The following DDR2 variants were observed in gnomAD, a reference collection of about 807,000 sequenced individuals.
DDR2 encodes the protein discoidin domain-containing receptor 2.
In DDR2, 27 loss-of-function variants were observed where a neutral mutation model predicts 94.9. The observed-to-expected ratio is 0.28, with a 90% confidence interval of 0.21 to 0.39. The LOEUF (loss-of-function observed/expected upper bound fraction) is 0.39. Ranked by LOEUF, DDR2 falls within the 10% of genes least tolerant of loss-of-function variation. The pLI is 1.00. For missense variants in DDR2, 783 were observed against 1,076.0 expected (o/e 0.73, Z 3.81); for synonymous variants, 382 against 377.2 (o/e 1.01, Z -0.15).
intron 1 of DDR2, among the ~76,000 whole-genome samples, chr1:162,649,233 A>C (rs1657560778): frequency 1.3e-5 from 2 of 152,304 alleles, no homozygotes; most frequent in South Asian, 4.1e-4. Flanking sequence ...TTAATATGGT[A>C]ATCAACATTT....
chr1:162,693,423 G>A (rs548908233), intron 2 of DDR2, among the ~76,000 whole-genome samples: 5 of 152,078 alleles, frequency 3.3e-5, no homozygotes, highest in Admixed American at 1.3e-4. Context: ...TTCTTTTGAC[G>A]TTTTCTATCT....
At chr1:162,732,269 T>C (rs1488174890) in intron 3 of DDR2, among the ~76,000 whole-genome samples, 2 of 152,210 alleles carry the variant, frequency 1.3e-5, no homozygotes, top group East Asian at 3.9e-4. Flanking sequence ...TTGGCCCCCC[T>C]GTGGAATCCC....
chr1:162,639,654 G>A (rs1240642969), intron 1 of DDR2, among the ~76,000 whole-genome samples: 1 of 152,180 alleles, frequency 6.6e-6, no homozygotes, highest in African/African-American at 2.4e-5. Context: ...CATTAAAATT[G>A]TAAACTTCCA....
intron 2 of DDR2, among the ~76,000 whole-genome samples, chr1:162,678,448 C>G (rs1258112691): frequency 6.6e-6 from 1 of 152,230 alleles, no homozygotes; most frequent in Non-Finnish European, 1.5e-5. Context: ...GTGTCTATCT[C>G]TTTCAAATAC....
intron 3 of DDR2, among the ~76,000 whole-genome samples, chr1:162,748,642 G>T (rs1232719536): frequency 2.6e-5 from 4 of 152,168 alleles, no homozygotes; most frequent in Admixed American, 6.5e-5. Context: ...ACTCAGCTCT[G>T]CACCAAGTGG....
chr1:162,664,168 A>C (rs1361062930), intron 2 of DDR2, among the ~76,000 whole-genome samples: 1 of 152,132 alleles, frequency 6.6e-6, no homozygotes, highest in Admixed American at 6.6e-5. Context: ...TTTTATGAAG[A>C]CTTTTTTTGC....
At chr1:162,742,474 CG>C (rs1482729128) in intron 3 of DDR2, among the ~76,000 whole-genome samples, 1 of 152,100 alleles carries the variant, frequency 6.6e-6, no homozygotes, top group East Asian at 1.9e-4. Flanking sequence ...AGTGGGGTGG[CG>C]GGGAAGGGAC....
intron 14 of DDR2, among the ~76,000 whole-genome samples, chr1:162,775,337 G>A (rs1262015214): frequency 6.6e-6 from 1 of 151,810 alleles, no homozygotes; most frequent in East Asian, 1.9e-4. Context: ...GTGGTTTTTA[G>A]CAGCCTATTT....
chr1:162,742,890 A>G lies in DDR2; in HGVS notation c.83-10205A>G, dbSNP rs977528312. Among the ~76,000 whole-genome samples, 15 of 152,148 alleles carry G rather than the reference A, an allele frequency of 9.9e-5. No homozygotes were observed. The South Asian group carries it at 1.0e-3, about 11-fold the overall frequency. On this transcript the variant is annotated intron_variant, in intron 3 of 17. Transcript: ENST00000367921. ...AAAAGCAGAAACCCCTGATAAACCCATCAGATCTCGTGAGACTTATTCACT... is the reference window on the plus strand; with the variant it reads ...AAAAGCAGAAACCCCTGATAAACCCGTCAGATCTCGTGAGACTTATTCACT...
chr1:162,754,585 C>T (rs1262064511), intron 4 of DDR2, 39 bp from the exon 5 acceptor site: 3 of 1,599,378 alleles, frequency 1.9e-6, no homozygotes, highest in East Asian at 2.2e-5. Context: ...TCTGTGGTTT[C>T]ATGGTTGCTC....
intron 2 of DDR2, among the ~76,000 whole-genome samples, chr1:162,692,068 C>T (rs544806064): frequency 6.6e-6 from 1 of 152,330 alleles, no homozygotes; most frequent in South Asian, 2.1e-4. Context: ...AGTCTAGCCT[C>T]ACCTTACCTG....
chr1:162,755,411 T>C, intron 6 of DDR2, 108 bp downstream of exon 6: 1 of 1,416,890 alleles, frequency 7.1e-7, no homozygotes, highest in Non-Finnish European at 9.8e-7. Context: ...CCTGGAATGG[T>C]GATGCCCTCT....
Position 162,754,620 on chromosome 1 carries a change from C to T in DDR2, c.186-4C>T, listed in dbSNP as rs985520400. 1.2e-6 allele frequency: 2 copies of T among 1,613,944 alleles called. No homozygotes were observed. Among genetic ancestry groups the T allele is most frequent in the African/African-American group, 2.7e-5 (2 of 74,912 alleles). On this transcript the variant is annotated splice_region_variant and splice_polypyrimidine_tract_variant and intron_variant, in intron 4 of 17. Transcript: ENST00000367921. ...CCCTCTCTCCCCAACCCTCACCTCT[C>T]AAGGCTGGACTCAGAAGAAGGGGAT...
chr1:162,770,674 G>C, intron 12 of DDR2, 162 bp downstream of exon 12: 1 of 788,720 alleles, frequency 1.3e-6, no homozygotes, highest in South Asian at 1.5e-5. Context: ...GCTGCTCCTG[G>C]CCTAATTTGA....
intron 4 of DDR2, among the ~76,000 whole-genome samples, chr1:162,753,589 G>A (rs1663317078): frequency 6.6e-6 from 1 of 152,188 alleles, no homozygotes; most frequent in African/African-American, 2.4e-5. Flanking sequence ...CCTCTTCTCA[G>A]TGGGTCTATG....
intron 3 of DDR2, among the ~76,000 whole-genome samples, chr1:162,725,057 G>A (rs994686247): frequency 1.3e-5 from 2 of 152,148 alleles, no homozygotes; most frequent in African/African-American, 4.8e-5. Flanking sequence ...GGGAAAAAGA[G>A]AATGCAAAAC....
intron 2 of DDR2, among the ~76,000 whole-genome samples, chr1:162,684,803 A>G (rs1659586876): frequency 7.2e-6 from 1 of 139,492 alleles, no homozygotes; most frequent in African/African-American, 2.7e-5. Context: ...ACACACAAAC[A>G]CACCCACCAA....
At chr1:162,701,188 A>G (rs968225634) in intron 2 of DDR2, among the ~76,000 whole-genome samples, 6 of 152,248 alleles carry the variant, frequency 3.9e-5, no homozygotes, top group Admixed American at 3.9e-4. Context: ...GGTATTAAAT[A>G]GGTTGACCCA....
intron 11 of DDR2, 22 bp downstream of exon 11, chr1:162,767,381 A>C: frequency 6.2e-7 from 1 of 1,613,218 alleles, no homozygotes; most frequent in Non-Finnish European, 8.5e-7. Context: ...CAGAATGGTC[A>C]TGATATAAGA....
Sources: allele counts gnomAD v4.1 joint callset (sites outside exome capture counted in the v4.1 genomes callset), GRCh38; gene constraint gnomAD v4.1.1; transcripts MANE v1.5; gene names NCBI Gene and HGNC (gene_info 2026-07-23, HGNC 2026-07-21).